CDS1: variants seen among roughly 807,000 people sequenced by gnomAD.
CDS1 encodes CDP-diacylglycerol synthase 1.
In CDS1, 41 loss-of-function variants were observed where a neutral mutation model predicts 62.1. That is an observed-to-expected ratio of 0.66 (90% CI 0.51 to 0.86). The LOEUF (loss-of-function observed/expected upper bound fraction) is 0.86. Ranked by LOEUF, CDS1 falls within the 40% of genes least tolerant of loss-of-function variation. The pLI is 0.00. For missense variants in CDS1, 470 were observed against 550.1 expected (o/e 0.85, Z 1.46); for synonymous variants, 185 against 192.6 (o/e 0.96, Z 0.32).
At position 84,614,615 on chromosome 4, in the gene CDS1, A is replaced by G. The variant is rs146806690; in HGVS notation, c.343-2949A>G. Among the ~76,000 whole-genome samples, 743 of 152,372 alleles carry G rather than the reference A, an allele frequency of 4.9e-3. 7 individuals are homozygous for G. The highest frequency in any genetic ancestry group is 0.017 in the African/African-American group (697 of 41,596). On this transcript the variant is annotated intron_variant, in intron 3 of 12. Coordinates refer to ENST00000295887, the MANE Select transcript of CDS1 (RefSeq NM_001263.4). ...AATATAGTTCATACTCAAAATGACC[A>G]GATCTGAACTTCTAGTCCATACCTC... is the stretch of plus-strand genomic sequence containing the variant.
At chr4:84,590,034 A>G (rs1413681605) in intron 1 of CDS1, among the ~76,000 whole-genome samples, 1 of 151,982 alleles carries the variant, frequency 6.6e-6, no homozygotes, top group African/African-American at 2.4e-5. Context: ...GACGATCTCA[A>G]TCTCCTGACC....
intron 9 of CDS1, among the ~76,000 whole-genome samples, chr4:84,640,327 TA>T (rs927517362): frequency 1.3e-5 from 2 of 151,890 alleles, no homozygotes; most frequent in Admixed American, 1.3e-4. Flanking sequence ...AATTTAAATT[TA>T]TAACAGGATA....
chr4:84,592,279 C>G (rs975043282), intron 1 of CDS1, among the ~76,000 whole-genome samples: 2 of 147,362 alleles, frequency 1.4e-5, no homozygotes, highest in Non-Finnish European at 3.0e-5. Context: ...TCAAGCAACT[C>G]TCCCACCTCA....
In CDS1 at chr4:84,604,226, T is replaced by A. The variant is rs1723021266; in HGVS notation, c.118-17T>A. 6.2e-7 allele frequency: 1 copy of A among 1,603,440 alleles called. No homozygotes were observed. Among genetic ancestry groups the A allele is most frequent in the Non-Finnish European group, 8.5e-7 (1 of 1,175,762 alleles). On this transcript the variant is annotated splice_polypyrimidine_tract_variant and intron_variant, in intron 1 of 12. Coordinates refer to ENST00000295887, the MANE Select transcript of CDS1 (RefSeq NM_001263.4). Reference sequence around the variant, plus strand: ...TTAAACGTGATTTTGCAAAGTAATTTGTCTTTTTAATTTTAGGAAACAGAT... The same window carrying A: ...TTAAACGTGATTTTGCAAAGTAATTAGTCTTTTTAATTTTAGGAAACAGAT...
intron 12 of CDS1, 69 bp from the exon 13 acceptor site, chr4:84,648,488 T>C: frequency 7.1e-7 from 1 of 1,399,190 alleles, no homozygotes; most frequent in Non-Finnish European, 9.9e-7. Flanking sequence ...TGTTTTAAAT[T>C]GGAGGTATGT....
chr4:84,594,021 T>C (rs1722673309), intron 1 of CDS1, among the ~76,000 whole-genome samples: 2 of 152,150 alleles, frequency 1.3e-5, no homozygotes, highest in Non-Finnish European at 1.5e-5. Flanking sequence ...CTCTGGGGCC[T>C]GATAAATTTT....
At chr4:84,624,338 A>T (rs899297896) in intron 5 of CDS1, among the ~76,000 whole-genome samples, 2 of 151,376 alleles carry the variant, frequency 1.3e-5, no homozygotes, top group Non-Finnish European at 2.9e-5. Flanking sequence ...ATATATGCCC[A>T]TGATAAAAAT....
chr4:84,642,858 G>T (rs1022871941), intron 10 of CDS1, among the ~76,000 whole-genome samples, 166 bp from the exon 11 acceptor site: 1 of 152,126 alleles, frequency 6.6e-6, no homozygotes, highest in African/African-American at 2.4e-5. Context: ...GGTACAGAAG[G>T]CTTAAATAGA....
At position 84,635,276 on chromosome 4, in the gene CDS1, A is replaced by G. The variant is rs1428277690; in HGVS notation, c.735A>G (p.Pro245=). Reference sequence around the variant, plus strand: ...TTTTTAAAAACAGGTTCCTTGTTCCAATATCAAGTGTTATCTGCAATGACA... The same window carrying G: ...TTTTTAAAAACAGGTTCCTTGTTCCGATATCAAGTGTTATCTGCAATGACA... ...LFEGMIWFLV[P]ISSVICNDIT... The change falls in exon 8 of 13, where the codon CCA becomes CCG. Residue 245 remains proline, a synonymous_variant. Coordinates refer to ENST00000295887, the MANE Select transcript of CDS1 (RefSeq NM_001263.4). 1.3e-6 allele frequency: 2 copies of G among 1,541,584 alleles called. No individual in the cohort carries two copies. Among genetic ancestry groups the G allele is most frequent in the African/African-American group, 2.8e-5 (2 of 71,322 alleles).
At chr4:84,591,508 A>G (rs1157854730) in intron 1 of CDS1, among the ~76,000 whole-genome samples, 1 of 152,182 alleles carries the variant, frequency 6.6e-6, no homozygotes, top group African/African-American at 2.4e-5. Flanking sequence ...TTGCTCAACA[A>G]CTGATTGTAG....
chr4:84,643,170 TATTAGAGAATATA>T (rs1237850528), intron 11 of CDS1, 27 bp downstream of exon 11: 7 of 1,603,630 alleles, frequency 4.4e-6, no homozygotes, highest in Non-Finnish European at 5.1e-6. Context: ...TTTGTTATAT[TATTAGAGAATATA>T]ATTAGAGAAT....
intron 1 of CDS1, among the ~76,000 whole-genome samples, chr4:84,594,393 C>G (rs1722686174): frequency 6.6e-6 from 1 of 152,106 alleles, no homozygotes; most frequent in African/African-American, 2.4e-5. Context: ...AAAGTTGTCT[C>G]AGAGCAGCTG....
At chr4:84,603,128 G>A (rs374504359) in intron 1 of CDS1, among the ~76,000 whole-genome samples, 40 of 152,126 alleles carry the variant, frequency 2.6e-4, no homozygotes, top group Admixed American at 1.2e-3. Context: ...CTTCATTTTA[G>A]GGATGAAGAA....
chr4:84,611,986 G>T (rs1723338851), intron 3 of CDS1, among the ~76,000 whole-genome samples: 1 of 152,032 alleles, frequency 6.6e-6, no homozygotes, highest in African/African-American at 2.4e-5. Flanking sequence ...GCAGGCTTGA[G>T]GAAGAAGGGA....
chr4:84,589,317 T>C (rs1722511110), intron 1 of CDS1, among the ~76,000 whole-genome samples: 1 of 152,222 alleles, frequency 6.6e-6, no homozygotes, highest in African/African-American at 2.4e-5. Flanking sequence ...AATCCGAGAT[T>C]CAACACTGCA....
At chr4:84,646,425 CCTT>C (rs1340965681) in intron 12 of CDS1, among the ~76,000 whole-genome samples, 12 of 151,756 alleles carry the variant, frequency 7.9e-5, no homozygotes, top group Admixed American at 7.9e-4. Context: ...TGATTTTTAG[CCTT>C]CTTATCTAAT....
At chr4:84,606,969 C>G (rs1294806286) in intron 2 of CDS1, among the ~76,000 whole-genome samples, 1 of 152,218 alleles carries the variant, frequency 6.6e-6, no homozygotes, top group South Asian at 2.1e-4. Context: ...ACAGTTATAT[C>G]TGTACAACTA....
At chr4:84,596,716 G>C (rs1722763813) in intron 1 of CDS1, among the ~76,000 whole-genome samples, 1 of 152,150 alleles carries the variant, frequency 6.6e-6, no homozygotes, top group Non-Finnish European at 1.5e-5. Flanking sequence ...TTGGTGGGGG[G>C]AGTGGGGAGG....
Position 84,633,002 on chromosome 4 carries a change from T to C in CDS1, c.640-855T>C, listed in dbSNP as rs548007739. Among the ~76,000 whole-genome samples, 4 of 152,236 alleles carry C rather than the reference T, an allele frequency of 2.6e-5. No homozygotes were observed. The South Asian group carries it at 8.3e-4, about 32-fold the overall frequency. On this transcript the variant is annotated intron_variant, in intron 6 of 12. Transcript: ENST00000295887. ...AACCGGGCGTGGTGGCACACACCTG[T>C]AGTCCCAGCTACTGGGGAGGCTGAG...
Sources: gnomAD v4.1 joint callset for allele counts (sites outside exome capture counted in the v4.1 genomes callset) on GRCh38, gnomAD v4.1.1 for gene constraint, MANE v1.5 for transcripts, NCBI Gene and HGNC (gene_info 2026-07-23, HGNC 2026-07-21) for gene names.